Variants in KPNA5 observed in about 807,000 individuals in gnomAD.
KPNA5 encodes the protein karyopherin subunit alpha 5.
A neutral mutation model predicts 71.3 loss-of-function variants in KPNA5; 46 were observed. The observed-to-expected ratio is 0.65, with a 90% CI of 0.51 to 0.83. The LOEUF is 0.83. Ranked by LOEUF, KPNA5 falls within the 40% of genes least tolerant of loss-of-function variation. The pLI is 0.00. For synonymous variants in KPNA5, 207 were observed against 201.4 expected (o/e 1.03, Z -0.24); for missense variants, 547 against 628.3 (o/e 0.87, Z 1.38).
intron 8 of KPNA5, among the ~76,000 whole-genome samples, chr6:116,721,312 A>G (rs1228907222): frequency 1.3e-5 from 2 of 152,116 alleles, no homozygotes; most frequent in Non-Finnish European, 2.9e-5. Context: ...CATATAACAT[A>G]GTTCTTTTTT....
At position 116,738,940 on chromosome 6, in the gene KPNA5, A is replaced by G. The variant is rs1018294590; in HGVS notation, c.*6617A>G. On this transcript the variant is annotated 3_prime_UTR_variant, in exon 14 of 14. Transcript: ENST00000368564. ...GGAAGCATTCCCTTTGAAAACTGGC[A>G]CAAGACAGGGATGCCCTCTCTCACC... is the stretch of plus-strand genomic sequence containing the variant. 6.6e-6 allele frequency: 1 copy of G among 151,418 alleles called. No homozygotes were observed. 9.4% of individuals were successfully genotyped at this position (151,418 alleles called of 1,614,324 possible).
chr6:116,717,613 G>A (rs972354264), intron 8 of KPNA5, among the ~76,000 whole-genome samples: 1 of 152,166 alleles, frequency 6.6e-6, no homozygotes, highest in African/African-American at 2.4e-5. Flanking sequence ...TTCAGAGCAG[G>A]AGTGGAAGTT....
Position 116,738,942 on chromosome 6 carries a change from A to G in KPNA5, c.*6619A>G, listed in dbSNP as rs1264621428. 6.6e-6 allele frequency: 1 copy of G among 151,384 alleles called. No homozygotes were observed. Among genetic ancestry groups the G allele is most frequent in the Non-Finnish European group, 1.5e-5 (1 of 67,624 alleles). The allele number at this position is 151,384 out of a possible 1,614,324, so 9.4% of individuals were successfully genotyped here. A position where few individuals can be genotyped will look rare whatever the true frequency, so the allele number is the denominator to read the frequency against. On this transcript the variant is annotated 3_prime_UTR_variant, in exon 14 of 14. Transcript: ENST00000368564. The stretch of plus-strand genomic sequence containing the variant: ...AAGCATTCCCTTTGAAAACTGGCAC[A>G]AGACAGGGATGCCCTCTCTCACCAC...
At chr6:116,726,242 C>G (rs934941443) in intron 11 of KPNA5, among the ~76,000 whole-genome samples, 2 of 152,076 alleles carry the variant, frequency 1.3e-5, no homozygotes, top group Admixed American at 6.6e-5. Flanking sequence ...CCATTTTGAT[C>G]AGTCACATGG....
chr6:116,723,157 A>G (rs1263634619), intron 9 of KPNA5, among the ~76,000 whole-genome samples: 1 of 152,234 alleles, frequency 6.6e-6, no homozygotes, highest in Non-Finnish European at 1.5e-5. Flanking sequence ...TAGGGAGGTT[A>G]GGAAAATAGA....
chr6:116,706,163 G>T (rs970724094), intron 7 of KPNA5, among the ~76,000 whole-genome samples: 1 of 152,144 alleles, frequency 6.6e-6, no homozygotes, highest in African/African-American at 2.4e-5. Context: ...TGTCTCACCT[G>T]ATTTATGTGG....
At chr6:116,696,197 T>A (rs1168886606) in intron 4 of KPNA5, among the ~76,000 whole-genome samples, 1 of 152,204 alleles carries the variant, frequency 6.6e-6, no homozygotes, top group African/African-American at 2.4e-5. Context: ...TCTCTGTTTC[T>A]TCTTTGTAAT....
At chr6:116,710,423 T>TA (rs1303676198) in intron 7 of KPNA5, among the ~76,000 whole-genome samples, 5 of 152,156 alleles carry the variant, frequency 3.3e-5, no homozygotes, top group African/African-American at 1.2e-4. Flanking sequence ...ACATAGTAGA[T>TA]ATGTTTATTT....
At chr6:116,693,546 G>A (rs1777893004) in intron 4 of KPNA5, among the ~76,000 whole-genome samples, 1 of 152,202 alleles carries the variant, frequency 6.6e-6, no homozygotes, top group African/African-American at 2.4e-5. Context: ...TTTGGGAAGT[G>A]TCTGTTCATA....
Position 116,713,456 on chromosome 6 carries a change from G to A in KPNA5, c.657-2763G>A, listed in dbSNP as rs145692092. Among the ~76,000 whole-genome samples, 250 of 152,066 alleles carry A rather than the reference G, an allele frequency of 1.6e-3. 1 individual carries two copies. Among genetic ancestry groups the A allele is most frequent in the Middle Eastern group, 6.8e-3 (2 of 294 alleles). On this transcript the variant is annotated intron_variant, in intron 7 of 13. Coordinates refer to ENST00000368564, the MANE Select transcript of KPNA5 (RefSeq NM_001366306.2). ...TTTATGAGGAATCTTTTTACACTAC[G>A]GGTCACTTCTCTCTTTTTGCTTTCA...
intron 7 of KPNA5, among the ~76,000 whole-genome samples, chr6:116,709,860 G>A (rs1315569758): frequency 6.6e-6 from 1 of 151,690 alleles, no homozygotes; most frequent in African/African-American, 2.4e-5. Context: ...TGCCTCCTGG[G>A]TTCAATTCTC....
chr6:116,711,279 G>T (rs1331451962), intron 7 of KPNA5, among the ~76,000 whole-genome samples: 1 of 148,916 alleles, frequency 6.7e-6, no homozygotes, highest in African/African-American at 2.5e-5. Context: ...TTGGGTCAAA[G>T]AACTGCCTTT....
At chr6:116,681,463 G>A in intron 1 of KPNA5, 125 bp downstream of exon 1, 1 of 1,406,668 alleles carries the variant, frequency 7.1e-7, no homozygotes, top group East Asian at 2.9e-5. Context: ...GGAACCTGGC[G>A]GTGCCGGGTG....
intron 10 of KPNA5, among the ~76,000 whole-genome samples, chr6:116,725,261 G>T (rs182304587): frequency 6.6e-6 from 1 of 152,288 alleles, no homozygotes; most frequent in East Asian, 1.9e-4. Context: ...ATGGAATAAA[G>T]AATGTAAAGG....
intron 4 of KPNA5, among the ~76,000 whole-genome samples, chr6:116,693,610 G>C (rs963095968): frequency 1.2e-4 from 18 of 152,030 alleles, no homozygotes; most frequent in Non-Finnish European, 2.4e-4. Context: ...AAATTTGTTT[G>C]AGTTCTTTGT....
intron 1 of KPNA5, among the ~76,000 whole-genome samples, chr6:116,687,903 TAA>T (rs1157878666): frequency 6.6e-6 from 1 of 152,222 alleles, no homozygotes; most frequent in Non-Finnish European, 1.5e-5. Flanking sequence ...TTAATTTGTT[TAA>T]TTCTATTCCT....
chr6:116,732,114 AT>A (rs2114511694), intron 13 of KPNA5, 21 bp from the exon 14 acceptor site: 4 of 299,344 alleles, frequency 1.3e-5, no homozygotes, highest in Non-Finnish European at 2.3e-5. Flanking sequence ...ATATATATAT[AT>A]ATATATACTT....
rs1229889802 is a variant in KPNA5 at position 116,736,851 on chromosome 6, AT to A, written c.*4534del. ...TCTAATCTCTTAATTCCATTAGTGT[AT>A]TTTTTATGTCAGACATTGTGTATTT... On this transcript the variant is annotated 3_prime_UTR_variant, in exon 14 of 14. Coordinates refer to ENST00000368564, the MANE Select transcript of KPNA5 (RefSeq NM_001366306.2). 1 of 151,712 alleles carries A rather than the reference AT, an allele frequency of 6.6e-6. No homozygotes were observed. Among genetic ancestry groups the A allele is most frequent in the African/African-American group, 2.4e-5 (1 of 41,356 alleles). The allele number at this position is 151,712 out of a possible 1,614,324, so 9.4% of individuals were successfully genotyped here.
At position 116,722,342 on chromosome 6, in the gene KPNA5, C is replaced by T. The variant is rs569007296; in HGVS notation, c.920+53C>T. On this transcript the variant is annotated intron_variant, in intron 9 of 13. Coordinates refer to ENST00000368564, the MANE Select transcript of KPNA5 (RefSeq NM_001366306.2). ...ATTGTATGATTGAGATTAAAATTAG[C>T]AATTCAAGTAATAGCTTTGTAAATA... 627 of 1,364,942 alleles carry T rather than the reference C, an allele frequency of 4.6e-4. 1 individual carries two copies. The highest frequency in any genetic ancestry group is 3.7e-4 in the Non-Finnish European group (370 of 1,003,852). 84.6% of individuals were successfully genotyped at this position (1,364,942 alleles called of 1,614,324 possible). A position where few individuals can be genotyped will look rare whatever the true frequency, so the allele number is the denominator to read the frequency against.
Sources: allele counts gnomAD v4.1 joint callset (sites outside exome capture counted in the v4.1 genomes callset), GRCh38; gene constraint gnomAD v4.1.1; transcripts MANE v1.5; gene names NCBI Gene and HGNC (gene_info 2026-07-23, HGNC 2026-07-21).